RAB37: variants seen among roughly 807,000 people sequenced by gnomAD.
RAB37 encodes the protein ras-related protein Rab-37.
In RAB37, 29 loss-of-function variants were observed where a neutral mutation model predicts 33.1. The ratio of observed to expected loss-of-function variants is 0.88; its 90% CI spans 0.65 to 1.20. The LOEUF (loss-of-function observed/expected upper bound fraction) is 1.20, where lower values mean the gene tolerates loss of function less well. RAB37 is among the 50% of genes most tolerant of loss of function. The pLI is 0.00. For missense variants in RAB37, 299 were observed against 301.1 expected, an observed-to-expected ratio of 0.99 and a Z score of 0.05; for synonymous variants, 128 against 119.5, an observed-to-expected ratio of 1.07 and a Z score of -0.47.
chr17:74,697,548 TC>T (rs1447757812), intron 1 of RAB37, among the ~76,000 whole-genome samples: 1 of 152,158 alleles, frequency 6.6e-6, no homozygotes, highest in East Asian at 1.9e-4. Flanking sequence ...GCGAAAGATT[TC>T]CCAGGCTGTG....
At position 74,744,578 on chromosome 17, in the gene RAB37, A is replaced by G. The variant is rs2034705346; in HGVS notation, c.432+205A>G. 1.6e-6 allele frequency: 1 copy of G among 634,000 alleles called. No homozygotes were observed. The allele number at this position is 634,000 out of a possible 1,614,324, so 39.3% of individuals were successfully genotyped here. A position where few individuals can be genotyped will look rare whatever the true frequency, so the allele number is the denominator to read the frequency against. The stretch of plus-strand genomic sequence containing the variant: ...GTCCAAGTTGTTGCCTGAGAAATCA[A>G]GGGGTGCCCAGTTCTCAGCCCCCAT... On this transcript the variant is annotated intron_variant, in intron 6 of 8. Coordinates refer to ENST00000392613, the MANE Select transcript of RAB37 (RefSeq NM_001006638.3). This position sits in a 1 kb window ranked among gnomAD's most constrained non-coding sequence, Gnocchi z 4.2.
At chr17:74,722,745 C>T (rs2144014733) in intron 1 of RAB37, among the ~76,000 whole-genome samples, 1 of 152,284 alleles carries the variant, frequency 6.6e-6, no homozygotes, top group Middle Eastern at 3.4e-3. Context: ...TGTCATATGT[C>T]TCGAAAATAT....
In RAB37 at chr17:74,744,702, C is replaced by A; in HGVS notation, c.433-171C>A. 1.3e-6 allele frequency: 1 copy of A among 750,764 alleles called. No homozygotes were observed. Among genetic ancestry groups the A allele is most frequent in the Admixed American group, 2.4e-5 (1 of 42,110 alleles). 46.5% of individuals were successfully genotyped at this position (750,764 alleles called of 1,614,324 possible). ...CAAGACCCTTTACCAAAGGTGAGAT[C>A]CCAGAGCTGGGAGCTACACTGGGCA... On this transcript the variant is annotated intron_variant, in intron 6 of 8. Coordinates refer to ENST00000392613, the MANE Select transcript of RAB37 (RefSeq NM_001006638.3). This position sits in a 1 kb window ranked among gnomAD's most constrained non-coding sequence, Gnocchi z 4.2.
chr17:74,740,140 G>A (rs1269776503), intron 1 of RAB37, among the ~76,000 whole-genome samples: 2 of 145,828 alleles, frequency 1.4e-5, no homozygotes, highest in Non-Finnish European at 3.0e-5. Context: ...TGGGCAACAA[G>A]AGCAAAACTC....
At chr17:74,736,679 G>A (rs2034479645), upstream of RAB37, 2 of 1,535,742 alleles carry the variant, frequency 1.3e-6, no homozygotes, top group African/African-American at 1.4e-5. Flanking sequence ...AAGGGTCAAA[G>A]TCCCCGCACC....
At chr17:74,737,781 G>A (rs530059612) in intron 1 of RAB37, among the ~76,000 whole-genome samples, 1 of 152,258 alleles carries the variant, frequency 6.6e-6, no homozygotes, top group Middle Eastern at 3.4e-3. Context: ...GCCATTTTCC[G>A]AGCTAAGCTC....
chr17:74,694,012 CAT>C (rs755775027), intron 1 of RAB37, among the ~76,000 whole-genome samples: 1 of 152,082 alleles, frequency 6.6e-6, no homozygotes, highest in African/African-American at 2.4e-5. Context: ...CACACACACA[CAT>C]GCAGACACAT....
chr17:74,706,726 G>A (rs780516954), intron 1 of RAB37, among the ~76,000 whole-genome samples: 8 of 152,122 alleles, frequency 5.3e-5, no homozygotes, highest in Non-Finnish European at 8.8e-5. Flanking sequence ...CCAACGGCGC[G>A]GACAGAGGGC....
chr17:74,747,089 C>G lies in RAB37; in HGVS notation c.*1678C>G. 6.6e-6 allele frequency: 1 copy of G among 152,386 alleles called. No individual in the cohort carries two copies. Among genetic ancestry groups the G allele is most frequent in the Non-Finnish European group, 1.5e-5 (1 of 68,118 alleles). 9.4% of individuals were successfully genotyped at this position (152,386 alleles called of 1,614,324 possible). A position where few individuals can be genotyped will look rare whatever the true frequency, so the allele number is the denominator to read the frequency against. ...GGAGAGGGGGAGGAAGAAGTATGCG[C>G]TGCACATTTCTGAGGCTACTGCATT... On this transcript the variant is annotated 3_prime_UTR_variant, in exon 9 of 9. Coordinates refer to ENST00000392613, the MANE Select transcript of RAB37 (RefSeq NM_001006638.3).
At chr17:74,732,202 A>G (rs186434061) in intron 2 of RAB37, among the ~76,000 whole-genome samples, 1 of 152,306 alleles carries the variant, frequency 6.6e-6, no homozygotes, top group Non-Finnish European at 1.5e-5. Context: ...AGCTCATCTG[A>G]AATGCAAATT....
At chr17:74,688,880 G>A (rs1287239929) in intron 1 of RAB37, among the ~76,000 whole-genome samples, 1 of 152,232 alleles carries the variant, frequency 6.6e-6, no homozygotes, top group African/African-American at 2.4e-5. Context: ...TGTGTGGTTT[G>A]TGCTTCAGGA....
intron 1 of RAB37, among the ~76,000 whole-genome samples, chr17:74,722,978 G>A (rs751375059): frequency 5.3e-5 from 8 of 152,202 alleles, no homozygotes; most frequent in Non-Finnish European, 8.8e-5. Context: ...AGCAGCAATA[G>A]TGTACTTAGA....
At chr17:74,683,436 G>A (rs907646164) in intron 1 of RAB37, among the ~76,000 whole-genome samples, 12 of 152,200 alleles carry the variant, frequency 7.9e-5, no homozygotes, top group Non-Finnish European at 1.6e-4. Flanking sequence ...TGTGTAGGGC[G>A]TGTCAGCCCA....
chr17:74,711,497 T>A (rs2033958395), intron 1 of RAB37, among the ~76,000 whole-genome samples: 1 of 152,222 alleles, frequency 6.6e-6, no homozygotes, highest in Non-Finnish European at 1.5e-5. Context: ...GCTCTTCCTG[T>A]ACCAGCCTAG....
intron 1 of RAB37, among the ~76,000 whole-genome samples, chr17:74,701,488 A>C (rs940293114): frequency 5.3e-5 from 8 of 152,208 alleles, no homozygotes; most frequent in Non-Finnish European, 1.5e-5. Context: ...AACCTTAACT[A>C]TTACTTATTC....
rs2034729296 is a variant in RAB37, at chr17:74,745,230, G to A, written c.567-76G>A. 2 of 1,544,014 alleles carry A rather than the reference G, an allele frequency of 1.3e-6. No homozygotes were observed. The highest frequency in any genetic ancestry group is 1.1e-5 in the South Asian group (1 of 89,596). ...TTGCTCTGGGAGCACTGGGCCACTG[G>A]GAGAGGGGAGGGGGCGGCTCAGCTC... On this transcript the variant is annotated intron_variant, in intron 8 of 8. Coordinates refer to ENST00000392613, the MANE Select transcript of RAB37 (RefSeq NM_001006638.3). The surrounding 1 kb of genome is among the most constrained non-coding windows in gnomAD (Gnocchi z 4.5).
At chr17:74,697,293 G>T (rs1056110499) in intron 1 of RAB37, among the ~76,000 whole-genome samples, 2 of 152,028 alleles carry the variant, frequency 1.3e-5, no homozygotes, top group Admixed American at 6.6e-5. Flanking sequence ...GTGGTTGCTG[G>T]TCCCTGTCTT....
At chr17:74,725,716 C>T (rs1205098998) in intron 1 of RAB37, among the ~76,000 whole-genome samples, 13 of 151,886 alleles carry the variant, frequency 8.6e-5, no homozygotes, top group Admixed American at 2.6e-4. Context: ...CTCCACCACC[C>T]GGGTTCAAGG....
At chr17:74,706,953 G>A (rs1346551957) in intron 1 of RAB37, among the ~76,000 whole-genome samples, 4 of 152,158 alleles carry the variant, frequency 2.6e-5, no homozygotes, top group Non-Finnish European at 5.9e-5. Flanking sequence ...GAATGAAGCC[G>A]GACCTTTATC....
Sources: allele counts gnomAD v4.1 joint callset (sites outside exome capture counted in the v4.1 genomes callset), GRCh38; gene constraint gnomAD v4.1.1; non-coding constraint Gnocchi (gnomAD v3.1); transcripts MANE v1.5; gene names NCBI Gene and HGNC (gene_info 2026-07-23, HGNC 2026-07-21).